Variants in NUCB2 observed in about 807,000 individuals in gnomAD.
The protein encoded by NUCB2 is nucleobindin 2.
Under a neutral mutation model 57.9 loss-of-function variants are expected in NUCB2, and 48 were observed. The ratio of observed to expected loss-of-function variants is 0.83; its 90% CI spans 0.66 to 1.05. The LOEUF (loss-of-function observed/expected upper bound fraction) is 1.05, where lower values mean the gene tolerates loss of function less well. NUCB2 is among the 50% of genes least tolerant of loss of function. The pLI is 0.00. For synonymous variants in NUCB2, 139 were observed against 152.1 expected, an observed-to-expected ratio of 0.91 and a Z score of 0.64; for missense variants, 442 against 476.2, an observed-to-expected ratio of 0.93 and a Z score of 0.67.
intron 2 of NUCB2, among the ~76,000 whole-genome samples, chr11:17,341,693 T>C (rs1323013930): frequency 6.6e-6 from 1 of 152,186 alleles, no homozygotes; most frequent in African/African-American, 2.4e-5. Context: ...ATAAGCTTTT[T>C]GATGTGCTGC....
In NUCB2 at chr11:17,285,165, T is replaced by C. The variant is rs182293611; in HGVS notation, c.-1+2222T>C. The stretch of plus-strand genomic sequence containing the variant: ...AAAAGAGGCTGGGCGCGGTGGCTCA[T>C]GCCTGTAATCCCAGCACTTTGGGAG... On this transcript the variant is annotated intron_variant, in intron 2 of 13. Transcript: ENST00000529010. 5.1e-3 allele frequency among the ~76,000 whole-genome samples: 779 copies of C among 151,988 alleles called. 9 individuals carry two copies. Among genetic ancestry groups the C allele is most frequent in the East Asian group, 0.031 (161 of 5,140 alleles).
intron 5 of NUCB2, among the ~76,000 whole-genome samples, chr11:17,306,588 C>G (rs554423205): frequency 1.9e-4 from 29 of 152,288 alleles, no homozygotes; most frequent in Non-Finnish European, 4.1e-4. Flanking sequence ...GTATCCTCTT[C>G]ATTCCAAGAT....
intron 2 of NUCB2, among the ~76,000 whole-genome samples, chr11:17,292,701 A>G (rs1945138869): frequency 6.6e-6 from 1 of 152,188 alleles, no homozygotes; most frequent in Admixed American, 6.5e-5. Context: ...TGCTGTGTGA[A>G]CTAGAAGTGA....
chr11:17,346,082 T>G (rs1486137474), intron 2 of NUCB2, among the ~76,000 whole-genome samples: 1 of 152,222 alleles, frequency 6.6e-6, no homozygotes, highest in East Asian at 1.9e-4. Context: ...AAAAAAGATT[T>G]GACAATGTTA....
In NUCB2 at chr11:17,330,287, A is replaced by C; in HGVS notation, c.1163A>C (p.Glu388Ala). Residue 388 changes from glutamate to alanine, a missense_variant, in exon 12 of 14, where the codon GAA (glutamate) becomes GCA (alanine). Glu to Ala is a moderately radical substitution (Grantham distance 107). Transcript: ENST00000529010. The surrounding 1 kb of genome is among the most constrained non-coding windows in gnomAD (Gnocchi z 4.3). ...QHDQLEAQKL[E>A]YHQVIQQMEQ... ...GATCAACTGGAGGCTCAGAAGCTGG[A>C]ATATCATCAGGTGGCATTTTGTCAA... The C allele has an allele frequency of 6.3e-7, 1 of 1,597,208 alleles. No individual in the cohort carries two copies. The highest frequency in any genetic ancestry group is 8.5e-7 in the Non-Finnish European group (1 of 1,175,678).
chr11:17,338,983 AT>A (rs1003235124), intron 2 of NUCB2, among the ~76,000 whole-genome samples: 88 of 133,074 alleles, frequency 6.6e-4, no homozygotes, highest in African/African-American at 2.4e-3. Context: ...TTTTTATTTT[AT>A]TTTATTTATT....
intron 5 of NUCB2, among the ~76,000 whole-genome samples, chr11:17,302,778 C>T (rs769990761): frequency 2.7e-5 from 4 of 150,642 alleles, no homozygotes; most frequent in Admixed American, 6.6e-5. Context: ...CTCGCTCTGT[C>T]GCCCAGGCTG....
chr11:17,311,060 G>A (rs773566517), intron 7 of NUCB2, 50 bp downstream of exon 7: 76 of 1,472,188 alleles, frequency 5.2e-5, no homozygotes, highest in South Asian at 6.7e-5. Context: ...ATACTTCTTC[G>A]TATCAGCGGA....
chr11:17,288,577 C>G (rs1463184361), intron 2 of NUCB2, among the ~76,000 whole-genome samples: 1 of 38,868 alleles, frequency 2.6e-5, no homozygotes, highest in East Asian at 3.6e-3. Flanking sequence ...TTGAGACAGT[C>G]TCATTCTGTT....
intron 2 of NUCB2, chr11:17,283,606 C>T (rs2137957835): frequency 6.6e-6 from 1 of 152,272 alleles, no homozygotes; most frequent in East Asian, 1.9e-4. Context: ...GCCCTTAATT[C>T]ATTATAGAAG....
chr11:17,325,809 T>C (rs1950588660), intron 11 of NUCB2, among the ~76,000 whole-genome samples: 1 of 146,826 alleles, frequency 6.8e-6, no homozygotes, highest in Non-Finnish European at 1.5e-5. Context: ...CTCTAATTTC[T>C]TGCTTTTTTT....
chr11:17,281,384 T>G (rs1302366508), intron 1 of NUCB2, among the ~76,000 whole-genome samples: 1 of 152,126 alleles, frequency 6.6e-6, no homozygotes, highest in Admixed American at 6.6e-5. Flanking sequence ...CCTTTCAAAG[T>G]GCTGGGATTA....
intron 1 of NUCB2, among the ~76,000 whole-genome samples, chr11:17,278,198 T>C (rs1300426802): frequency 7.7e-6 from 1 of 130,592 alleles, no homozygotes; most frequent in East Asian, 2.2e-4. Context: ...TTTTTTGAGA[T>C]GGAGTCTCAC....
chr11:17,320,909 A>G (rs1949934076), intron 11 of NUCB2, among the ~76,000 whole-genome samples: 1 of 152,202 alleles, frequency 6.6e-6, no homozygotes, highest in African/African-American at 2.4e-5. Context: ...AATCTGTACA[A>G]AGAAGGTGTA....
At chr11:17,324,424 T>C (rs1950399012) in intron 11 of NUCB2, among the ~76,000 whole-genome samples, 2 of 152,150 alleles carry the variant, frequency 1.3e-5, no homozygotes, top group Non-Finnish European at 2.9e-5. Context: ...TGCTTGCTAT[T>C]ATTTCTATTT....
rs182963513 is a variant in NUCB2, at chr11:17,330,795, C to G, written c.1174-107C>G. The stretch of plus-strand genomic sequence containing the variant: ...AATCTAAATCTTATAGTTTGAATAT[C>G]TTTGTTTTAGAAAACAATTTTCATT... On this transcript the variant is annotated intron_variant, in intron 12 of 13. Transcript: ENST00000529010. This position sits in a 1 kb window ranked among gnomAD's most constrained non-coding sequence, Gnocchi z 4.3. The G allele has an allele frequency of 3.6e-4, 272 of 763,580 alleles. No individual in the cohort carries two copies. Among genetic ancestry groups the G allele is most frequent in the Non-Finnish European group, 6.0e-5 (26 of 436,262 alleles). 47.3% of individuals were successfully genotyped at this position (763,580 alleles called of 1,614,324 possible).
intron 11 of NUCB2, among the ~76,000 whole-genome samples, chr11:17,326,484 A>AT (rs1457701044): frequency 7.3e-6 from 1 of 136,304 alleles, no homozygotes; most frequent in Non-Finnish European, 1.6e-5. Context: ...CACGCGGCTA[A>AT]TTTTTTGTAT....
At chr11:17,335,982 A>T (rs1441547373), downstream of NUCB2, among the ~76,000 whole-genome samples, 1 of 152,250 alleles carries the variant, frequency 6.6e-6, no homozygotes, top group Non-Finnish European at 1.5e-5. Context: ...TGAAGCATGT[A>T]CATTTTATAA....
At chr11:17,278,952 G>A (rs948381417) in intron 1 of NUCB2, among the ~76,000 whole-genome samples, 2 of 152,162 alleles carry the variant, frequency 1.3e-5, no homozygotes, top group Non-Finnish European at 2.9e-5. Context: ...CAGCACTTTG[G>A]GAGGCTGAGG....
Sources: gnomAD v4.1 joint callset for allele counts (sites outside exome capture counted in the v4.1 genomes callset) on GRCh38, gnomAD v4.1.1 for gene constraint, Gnocchi (gnomAD v3.1) non-coding constraint, MANE v1.5 for transcripts, NCBI Gene and HGNC (gene_info 2026-07-23, HGNC 2026-07-21) for gene names.